Variants in TBPL1 observed in about 807,000 individuals in gnomAD.
TBPL1 encodes the protein TATA box-binding protein-like 1.
In TBPL1, 4 loss-of-function variants were observed where a neutral mutation model predicts 22.1. The ratio of observed to expected loss-of-function variants is 0.18; its 90% CI spans 0.09 to 0.41. TBPL1 has a LOEUF of 0.41. Ranked by LOEUF, TBPL1 falls within the 10% of genes least tolerant of loss-of-function variation. The pLI is 1.00. For synonymous variants in TBPL1, 64 were observed against 71.0 expected (o/e 0.90, Z 0.50); for missense variants, 115 against 222.3 (o/e 0.52, Z 3.07).
At chr6:133,981,158 A>G (rs2114381285) in intron 2 of TBPL1, among the ~76,000 whole-genome samples, 1 of 152,108 alleles carries the variant, frequency 6.6e-6, no homozygotes, top group Non-Finnish European at 1.5e-5. Flanking sequence ...TTTTTAGTAG[A>G]GACGGGGTTT....
At chr6:133,960,029 C>T (rs947577416) in intron 1 of TBPL1, among the ~76,000 whole-genome samples, 1 of 152,168 alleles carries the variant, frequency 6.6e-6, no homozygotes, top group Non-Finnish European at 1.5e-5. Flanking sequence ...GAGCCGCAAG[C>T]GTTTTTCCTC....
chr6:133,961,865 A>C (rs1027144809), intron 1 of TBPL1, among the ~76,000 whole-genome samples: 1 of 152,126 alleles, frequency 6.6e-6, no homozygotes, highest in Non-Finnish European at 1.5e-5. Flanking sequence ...AACATAGATC[A>C]CATTCTCTTG....
intron 1 of TBPL1, among the ~76,000 whole-genome samples, chr6:133,963,645 C>T (rs767648533): frequency 3.9e-5 from 6 of 152,126 alleles, no homozygotes; most frequent in Non-Finnish European, 7.4e-5. Flanking sequence ...TGGTCTGTAA[C>T]TCCTGGCTCA....
At chr6:133,965,070 G>A (rs1388256193) in intron 1 of TBPL1, among the ~76,000 whole-genome samples, 1 of 152,146 alleles carries the variant, frequency 6.6e-6, no homozygotes, top group African/African-American at 2.4e-5. Flanking sequence ...ACCAACTTAT[G>A]AGAAGATTTA....
chr6:133,958,916 T>C (rs894705851), intron 1 of TBPL1, among the ~76,000 whole-genome samples: 2 of 152,208 alleles, frequency 1.3e-5, no homozygotes, highest in African/African-American at 4.8e-5. Context: ...TTGGCAAATA[T>C]GCTTGTATTT....
chr6:133,967,947 C>A (rs1407393637), intron 1 of TBPL1, among the ~76,000 whole-genome samples: 1 of 151,928 alleles, frequency 6.6e-6, no homozygotes, highest in African/African-American at 2.4e-5. Context: ...AGCCTAGGAC[C>A]ATGTGCTTAT....
chr6:133,956,883 A>G (rs1434615523), intron 1 of TBPL1, among the ~76,000 whole-genome samples: 1 of 152,208 alleles, frequency 6.6e-6, no homozygotes, highest in Non-Finnish European at 1.5e-5. Flanking sequence ...GGAAATTTCA[A>G]AAGGATGAGA....
In TBPL1 at chr6:133,987,137, A is replaced by AATAGACTC; in HGVS notation, c.*98_*105dup. 1.4e-6 allele frequency: 1 copy of AATAGACTC among 725,202 alleles called. No homozygotes were observed. The highest frequency in any genetic ancestry group is 2.2e-6 in the Non-Finnish European group (1 of 451,516). The allele number at this position is 725,202 out of a possible 1,614,324, so 44.9% of individuals were successfully genotyped here. On this transcript the variant is annotated 3_prime_UTR_variant, in exon 7 of 7. Coordinates refer to ENST00000237264, the MANE Select transcript of TBPL1 (RefSeq NM_004865.4). The stretch of plus-strand genomic sequence containing the variant: ...AAACTGGACCAACAATAATTGAGGA[A>AATAGACTC]ATAGACTCTTTTATTCATTCACGGC...
intron 1 of TBPL1, among the ~76,000 whole-genome samples, chr6:133,972,701 TTTG>T (rs553625527): frequency 6.6e-6 from 1 of 151,946 alleles, no homozygotes; most frequent in Non-Finnish European, 1.5e-5. Context: ...TGTTTGTTTG[TTTG>T]TTTTTTTCCC....
intron 1 of TBPL1, among the ~76,000 whole-genome samples, chr6:133,975,547 G>T (rs924450838): frequency 6.6e-6 from 1 of 152,120 alleles, no homozygotes; most frequent in Non-Finnish European, 1.5e-5. Flanking sequence ...ACCTTAAATT[G>T]TCTAATGAGT....
In TBPL1 at chr6:133,986,836, C is replaced by CT. The variant is rs199644439; in HGVS notation, c.482-117dup. The CT allele has an allele frequency of 7.4e-3, 4,249 of 572,780 alleles. 79 individuals are homozygous for CT. Among genetic ancestry groups the CT allele is most frequent in the Admixed American group, 0.065 (1,660 of 25,710 alleles). 35.5% of individuals were successfully genotyped at this position (572,780 alleles called of 1,614,324 possible). On this transcript the variant is annotated intron_variant, in intron 6 of 6. Transcript: ENST00000237264. ...TGTGTATAATTATATGTCTAGTTTT[C>CT]TTTTTTTTAACAGTTAACTTGATAT...
intron 1 of TBPL1, among the ~76,000 whole-genome samples, chr6:133,970,176 T>C (rs561458302): frequency 6.6e-6 from 1 of 152,352 alleles, no homozygotes; most frequent in East Asian, 1.9e-4. Flanking sequence ...GTCAATTTTC[T>C]TTTTTATTCA....
chr6:133,965,188 A>C (rs1562657696), intron 1 of TBPL1, among the ~76,000 whole-genome samples: 1 of 152,250 alleles, frequency 6.6e-6, no homozygotes, highest in Non-Finnish European at 1.5e-5. Flanking sequence ...TGGCTAAATT[A>C]GTCTTACAAA....
rs1776557978 is a variant in TBPL1, at chr6:133,987,677, GT to G, written c.*638del. On this transcript the variant is annotated 3_prime_UTR_variant, in exon 7 of 7. Transcript: ENST00000237264. ...ATATATATATATATATGCACCACAT[GT>G]GTATAGTATCTTTTAATGCTCTGTT... 7.3e-6 allele frequency: 1 copy of G among 137,922 alleles called. No homozygotes were observed. Among genetic ancestry groups the G allele is most frequent in the African/African-American group, 2.8e-5 (1 of 36,278 alleles). The allele number at this position is 137,922 out of a possible 1,614,324, so 8.5% of individuals were successfully genotyped here.
Position 133,989,215 on chromosome 6 carries a change from AATAT to A in TBPL1, c.*2180_*2183del, listed in dbSNP as rs1184223950. 1 of 152,142 alleles carries A rather than the reference AATAT, an allele frequency of 6.6e-6. No individual in the cohort carries two copies. Among genetic ancestry groups the A allele is most frequent in the Non-Finnish European group, 1.5e-5 (1 of 68,032 alleles). 9.4% of individuals were successfully genotyped at this position (152,142 alleles called of 1,614,324 possible). On this transcript the variant is annotated 3_prime_UTR_variant, in exon 7 of 7. Transcript: ENST00000237264. The stretch of plus-strand genomic sequence containing the variant: ...ATTTTTTTTATAAATAAAAACTGTG[AATAT>A]ATATGTACAAGTTGTAAGTATTTCC...
intron 6 of TBPL1, among the ~76,000 whole-genome samples, chr6:133,985,068 A>G (rs923411755): frequency 5.3e-5 from 8 of 151,558 alleles, no homozygotes; most frequent in African/African-American, 1.9e-4. Context: ...TCACAAGGTC[A>G]AGAGATCAAG....
intron 1 of TBPL1, among the ~76,000 whole-genome samples, chr6:133,971,305 A>G (rs577991998): frequency 6.6e-6 from 1 of 152,128 alleles, no homozygotes; most frequent in Non-Finnish European, 1.5e-5. Flanking sequence ...TTCTTTATCC[A>G]TTCTTCCACT....
Position 133,982,551 on chromosome 6 carries a change from A to T in TBPL1, c.136-17A>T. On this transcript the variant is annotated splice_polypyrimidine_tract_variant and intron_variant, in intron 2 of 6. Transcript: ENST00000237264. ...AAAATAATGCTTATGAGGTAATCAG[A>T]TTTTTTTTCCCCCCAGAAAGTATTA... The T allele has an allele frequency of 6.2e-7, 1 of 1,603,036 alleles. No individual in the cohort carries two copies. The highest frequency in any genetic ancestry group is 8.5e-7 in the Non-Finnish European group (1 of 1,174,604).
chr6:133,974,158 A>G (rs1317455403), intron 1 of TBPL1, among the ~76,000 whole-genome samples: 2 of 152,076 alleles, frequency 1.3e-5, no homozygotes, highest in Non-Finnish European at 2.9e-5. Flanking sequence ...TCTGGCAAAC[A>G]TTATGGACCT....
Sources: allele counts gnomAD v4.1 joint callset (sites outside exome capture counted in the v4.1 genomes callset), GRCh38; gene constraint gnomAD v4.1.1; transcripts MANE v1.5; gene names NCBI Gene and HGNC (gene_info 2026-07-23, HGNC 2026-07-21).